The following NOX4 variants were observed in gnomAD, a reference collection of about 807,000 sequenced individuals.
The protein encoded by NOX4 is kidney oxidase-1.
A neutral mutation model predicts 87.6 loss-of-function variants in NOX4; 69 were observed. The ratio of observed to expected loss-of-function variants is 0.79; its 90% CI spans 0.65 to 0.96. The LOEUF is 0.96. Among genes scored for constraint, NOX4 ranks in the 40% least tolerant of loss-of-function variants. The pLI, the probability that NOX4 is intolerant of heterozygous loss-of-function variation, is 0.00. For synonymous variants in NOX4, 275 were observed against 238.2 expected (o/e 1.15, Z -1.42); for missense variants, 680 against 681.5 (o/e 1.00, Z 0.02).
At chr11:89,468,832 G>A (rs1196206322) in intron 2 of NOX4, among the ~76,000 whole-genome samples, 2 of 152,130 alleles carry the variant, frequency 1.3e-5, no homozygotes, top group Non-Finnish European at 2.9e-5. Flanking sequence ...GCAGCCTGGA[G>A]CTCCTGGGCT....
intron 17 of NOX4, among the ~76,000 whole-genome samples, chr11:89,331,097 C>T (rs1945449381): frequency 6.6e-6 from 1 of 151,800 alleles, no homozygotes; most frequent in African/African-American, 2.4e-5. Context: ...GGCAATAAAA[C>T]AGGTGTCAAT....
intron 2 of NOX4, among the ~76,000 whole-genome samples, chr11:89,473,446 A>G (rs1946030589): frequency 6.7e-6 from 1 of 149,750 alleles, no homozygotes; most frequent in South Asian, 2.1e-4. Flanking sequence ...AAAAAGATAT[A>G]CTGGTGGCCT....
chr11:89,465,879 C>T (rs1011851749), intron 2 of NOX4, among the ~76,000 whole-genome samples: 1 of 151,826 alleles, frequency 6.6e-6, no homozygotes, highest in Non-Finnish European at 1.5e-5. Context: ...GATATTAGCC[C>T]TTTGTCAGAT....
At chr11:89,500,569 G>A (rs1435524539), upstream of NOX4, among the ~76,000 whole-genome samples, 1 of 152,044 alleles carries the variant, frequency 6.6e-6, no homozygotes, top group Non-Finnish European at 1.5e-5. Flanking sequence ...CATTGACCAT[G>A]TTTCTACAAA....
intron 7 of NOX4, among the ~76,000 whole-genome samples, chr11:89,424,445 T>C (rs1444102621): frequency 6.6e-6 from 1 of 150,452 alleles, no homozygotes; most frequent in East Asian, 1.9e-4. Flanking sequence ...GCACTTTTTC[T>C]AATAATTCCA....
At chr11:89,481,683 C>T (rs1340402054) in intron 2 of NOX4, among the ~76,000 whole-genome samples, 1 of 152,056 alleles carries the variant, frequency 6.6e-6, no homozygotes, top group Non-Finnish European at 1.5e-5. Context: ...GCATGATAGA[C>T]ATGAAGAAAC....
upstream of NOX4, among the ~76,000 whole-genome samples, chr11:89,491,962 A>C (rs529807136): frequency 6.6e-6 from 1 of 152,086 alleles, no homozygotes; most frequent in Non-Finnish European, 1.5e-5. Flanking sequence ...ACCAGCCGCC[A>C]GTTTCTTTAT....
upstream of NOX4, among the ~76,000 whole-genome samples, chr11:89,495,613 T>C (rs982808799): frequency 2.0e-5 from 3 of 152,172 alleles, no homozygotes; most frequent in African/African-American, 7.2e-5. Context: ...GTGGCTATTA[T>C]TTAGCCTAGG....
chr11:89,365,380 T>A (rs1448048783), intron 12 of NOX4, among the ~76,000 whole-genome samples: 1 of 151,948 alleles, frequency 6.6e-6, no homozygotes. Context: ...TGCCTAGAAC[T>A]GGATTTCTTA....
At chr11:89,472,425 A>AT (rs539383316) in intron 2 of NOX4, among the ~76,000 whole-genome samples, 9 of 151,494 alleles carry the variant, frequency 5.9e-5, no homozygotes, top group African/African-American at 1.5e-4. Context: ...AAAAGGTGTA[A>AT]TTTTTTTTTC....
At chr11:89,560,632 A>G in the NOX4 span, among the ~76,000 whole-genome samples, 4 of 151,998 alleles carry the variant, frequency 2.6e-5, no homozygotes, top group African/African-American at 9.7e-5. Context: ...TTAACATCCA[A>G]ATGGCTGTGG....
At position 89,419,809 on chromosome 11, in the gene NOX4, C is replaced by A. The variant is rs1228614190; in HGVS notation, c.629+2093G>T. ...GTAATCCTCCTCTTTAAAAAGAAGT[C>A]TGTTTGAAATGCTGATCCTTTAACA... is the stretch of plus-strand genomic sequence containing the variant. On this transcript the variant is annotated intron_variant, in intron 8 of 17. Transcript: ENST00000263317. 2.6e-5 allele frequency among the ~76,000 whole-genome samples: 4 copies of A among 151,842 alleles called. No homozygotes were observed. In the South Asian group the frequency reaches 6.2e-4, roughly 24 times the overall value.
chr11:89,467,865 A>G (rs567640839), intron 2 of NOX4, among the ~76,000 whole-genome samples: 4 of 152,222 alleles, frequency 2.6e-5, no homozygotes, highest in Non-Finnish European at 5.9e-5. Context: ...AACAGATGTT[A>G]AGGAAGTAAT....
the NOX4 span, among the ~76,000 whole-genome samples, chr11:89,581,752 A>G: frequency 2.0e-5 from 3 of 152,186 alleles, no homozygotes; most frequent in Non-Finnish European, 4.4e-5. Flanking sequence ...TTTAATGCAT[A>G]TAACTTGATA....
At chr11:89,404,885 G>C (rs1344850598) in intron 8 of NOX4, among the ~76,000 whole-genome samples, 3 of 151,962 alleles carry the variant, frequency 2.0e-5, no homozygotes, top group African/African-American at 7.2e-5. Context: ...ATCATACAAG[G>C]TAAGTGTTTT....
the NOX4 span, among the ~76,000 whole-genome samples, chr11:89,507,386 A>G: frequency 6.6e-6 from 1 of 151,254 alleles, no homozygotes; most frequent in Non-Finnish European, 1.5e-5. Flanking sequence ...GCTATATATA[A>G]TATATAATAA....
rs374172649 is a variant in NOX4, at chr11:89,366,101, G to T, written c.1135+7331C>A. 1.8e-4 allele frequency among the ~76,000 whole-genome samples: 28 copies of T among 152,160 alleles called. No homozygotes were observed. The South Asian group carries it at 4.8e-3, about 26-fold the overall frequency. On this transcript the variant is annotated intron_variant, in intron 12 of 17. Coordinates refer to ENST00000263317, the MANE Select transcript of NOX4 (RefSeq NM_016931.5). ...AGTCCATTAACGCTAGGCTCATTTG[G>T]CAAACTGACATATGCCTTCTTAGCC... is the stretch of plus-strand genomic sequence containing the variant.
At chr11:89,520,165 G>A in the NOX4 span, among the ~76,000 whole-genome samples, 2 of 151,836 alleles carry the variant, frequency 1.3e-5, no homozygotes, top group Non-Finnish European at 2.9e-5. Flanking sequence ...GGGATATTGG[G>A]TACACAATGA....
At chr11:89,433,432 A>G (rs1943916378) in intron 6 of NOX4, among the ~76,000 whole-genome samples, 1 of 152,050 alleles carries the variant, frequency 6.6e-6, no homozygotes, top group Non-Finnish European at 1.5e-5. Context: ...ATGCAACAGG[A>G]CAGGGTTAAC....
Sources: allele counts gnomAD v4.1 joint callset (sites outside exome capture counted in the v4.1 genomes callset), GRCh38; gene constraint gnomAD v4.1.1; transcripts MANE v1.5; gene names NCBI Gene and HGNC (gene_info 2026-07-23, HGNC 2026-07-21).